The following WASHC2C variants were observed in gnomAD, a reference collection of about 807,000 sequenced individuals.
WASHC2C encodes the protein Vaccinia Penetration Factor.
WASHC2C carries 73 observed loss-of-function variants against 142.2 expected under a neutral mutation model. That is an observed-to-expected ratio of 0.51 (90% CI 0.43 to 0.62). The LOEUF (loss-of-function observed/expected upper bound fraction) is 0.62. Among genes scored for constraint, WASHC2C ranks in the 20% least tolerant of loss-of-function variants. WASHC2C has a pLI of 0.00. For missense variants in WASHC2C, 969 were observed against 1,531.7 expected, an observed-to-expected ratio of 0.63 and a Z score of 6.13; for synonymous variants, 337 against 565.5, an observed-to-expected ratio of 0.60 and a Z score of 5.73.
At chr10:45,745,888 T>C (rs1414187120) in intron 7 of WASHC2C, among the ~76,000 whole-genome samples, 2 of 148,506 alleles carry the variant, frequency 1.3e-5, no homozygotes, top group African/African-American at 5.0e-5. Context: ...TCATCTAGCA[T>C]TAGGTATATC....
At chr10:45,762,461 G>A (rs1376877133) in intron 17 of WASHC2C, among the ~76,000 whole-genome samples, 2 of 151,894 alleles carry the variant, frequency 1.3e-5, no homozygotes, top group African/African-American at 4.8e-5. Context: ...CTCCCAAAAT[G>A]CTGGGATTAT....
intron 23 of WASHC2C, 25 bp from the exon 24 acceptor site, chr10:45,784,540 A>AG: frequency 6.2e-7 from 1 of 1,610,816 alleles, no homozygotes; most frequent in Non-Finnish European, 8.5e-7. Flanking sequence ...CTCTAATCAC[A>AG]CATGACCTTC....
At chr10:45,747,784 G>C (rs1176330694) in intron 8 of WASHC2C, among the ~76,000 whole-genome samples, 1 of 150,582 alleles carries the variant, frequency 6.6e-6, no homozygotes, top group Non-Finnish European at 1.5e-5. Context: ...GTGGAGTCAG[G>C]GTCTTCCCAT....
Position 45,787,177 on chromosome 10 carries a change from C to G in WASHC2C, c.3017C>G (p.Pro1006Arg), listed in dbSNP as rs1278899607. The change falls in exon 28 of 31, where the codon CCC becomes CGC. Residue 1006 changes from proline to arginine, a missense_variant. By Grantham distance (103) the Pro-to-Arg change is moderately radical. Coordinates refer to ENST00000623400, the MANE Select transcript of WASHC2C (RefSeq NM_001330074.2). ...SHGLESVPVL[P>R]GSGEAGVSFD... is the part of the protein sequence containing the mutation. ...GGTCTGGAAAGTGTGCCTGTCCTTC[C>G]CGGGAGTGGGGAGGCCGGTGTGAGT... 6.4e-7 allele frequency: 1 copy of G among 1,559,030 alleles called. No individual in the cohort carries two copies. The highest frequency in any genetic ancestry group is 8.7e-7 in the Non-Finnish European group (1 of 1,146,290).
chr10:45,759,598 T>C (rs1302070687), intron 17 of WASHC2C, among the ~76,000 whole-genome samples, 197 bp downstream of exon 17: 5 of 152,190 alleles, frequency 3.3e-5, no homozygotes, highest in South Asian at 4.2e-4. Flanking sequence ...GGCAGGCGGA[T>C]ACCTGAGGTC....
chr10:45,749,836 A>ATATAT (rs1554873238), intron 8 of WASHC2C, among the ~76,000 whole-genome samples: 15 of 101,770 alleles, frequency 1.5e-4, no homozygotes, highest in African/African-American at 6.5e-4. Context: ...AAAAAAAAAA[A>ATATAT]ATATATATAT....
chr10:45,790,235 G>T (rs2058319558), intron 29 of WASHC2C, 121 bp from the exon 30 acceptor site: 1 of 1,504,014 alleles, frequency 6.6e-7, no homozygotes, highest in East Asian at 2.4e-5. Flanking sequence ...GGCAGAGTGG[G>T]CAGTCTCGAG....
At chr10:45,779,941 C>G (rs1311109844) in intron 23 of WASHC2C, among the ~76,000 whole-genome samples, 3 of 150,272 alleles carry the variant, frequency 2.0e-5, no homozygotes, top group African/African-American at 7.4e-5. Context: ...GCCGAGATCG[C>G]ACCACTGCAC....
chr10:45,749,825 C>CAACA (rs1321078503), intron 8 of WASHC2C, among the ~76,000 whole-genome samples: 1 of 77,250 alleles, frequency 1.3e-5, no homozygotes, highest in Non-Finnish European at 2.3e-5. Context: ...GACTCCATCT[C>CAACA]AAAAAAAAAA....
rs1342817045 is a variant in WASHC2C at position 45,786,803 on chromosome 10, AGTT to A, written c.2874+135_2874+137del. Reference sequence around the variant, plus strand: ...CCCCCGCCTCCCCTCCCCTGCACCTAGTTGTTGTCTCCTGTGTGCTGCGTCTTT... The same window carrying A: ...CCCCCGCCTCCCCTCCCCTGCACCTAGTTGTCTCCTGTGTGCTGCGTCTTT... On this transcript the variant is annotated intron_variant, in intron 27 of 30. Coordinates refer to ENST00000623400, the MANE Select transcript of WASHC2C (RefSeq NM_001330074.2). The A allele has an allele frequency of 7.1e-6, 11 of 1,555,748 alleles. No individual in the cohort carries two copies. The African/African-American group carries it at 8.2e-5, about 12-fold the overall frequency.
intron 23 of WASHC2C, among the ~76,000 whole-genome samples, chr10:45,783,699 A>G (rs1437194326): frequency 2.6e-5 from 4 of 152,182 alleles, no homozygotes; most frequent in Admixed American, 6.5e-5. Context: ...GGCCTCTGGT[A>G]ATCCACCCGC....
intron 18 of WASHC2C, among the ~76,000 whole-genome samples, chr10:45,765,339 A>G (rs1272262168): frequency 6.6e-6 from 1 of 151,250 alleles, no homozygotes; most frequent in Non-Finnish European, 1.5e-5. Flanking sequence ...TGCCCATCGC[A>G]GGCTGTAACC....
intron 13 of WASHC2C, 67 bp from the exon 14 acceptor site, chr10:45,754,419 C>T: frequency 6.2e-7 from 1 of 1,603,926 alleles, no homozygotes; most frequent in Non-Finnish European, 8.5e-7. Context: ...GCACGTATTT[C>T]AGGAAGAAAA....
chr10:45,754,182 C>T (rs2053956549), intron 13 of WASHC2C, among the ~76,000 whole-genome samples: 1 of 152,122 alleles, frequency 6.6e-6, no homozygotes, highest in Admixed American at 6.5e-5. Context: ...GTCATGCTGT[C>T]CCTGCCTCTG....
At chr10:45,749,292 G>T (rs1464164329) in intron 8 of WASHC2C, among the ~76,000 whole-genome samples, 4 of 148,512 alleles carry the variant, frequency 2.7e-5, no homozygotes, top group Non-Finnish European at 3.0e-5. Flanking sequence ...AAAATTAGCC[G>T]GGCGTGGTGG....
intron 7 of WASHC2C, among the ~76,000 whole-genome samples, chr10:45,745,789 C>T (rs1482770499): frequency 2.0e-5 from 3 of 151,826 alleles, no homozygotes; most frequent in Non-Finnish European, 4.4e-5. Context: ...TTTTATTATA[C>T]TTTAAGTTTT....
At chr10:45,760,798 C>G (rs577555294) in intron 17 of WASHC2C, among the ~76,000 whole-genome samples, 1 of 142,638 alleles carries the variant, frequency 7.0e-6, no homozygotes, top group African/African-American at 2.6e-5. Flanking sequence ...TTTACCACAG[C>G]ACGTGTTGCC....
intron 3 of WASHC2C, among the ~76,000 whole-genome samples, chr10:45,737,614 T>A (rs1442675138): frequency 2.0e-5 from 3 of 152,186 alleles, no homozygotes; most frequent in African/African-American, 7.2e-5. Context: ...CAGTTGACAT[T>A]CTCCATAAGC....
chr10:45,727,423 C>A lies in WASHC2C; in HGVS notation c.10C>A (p.Arg4=). Residue 4 remains arginine (R), a synonymous_variant, in exon 2 of 31, where the codon CGG becomes AGG. Transcript: ENST00000623400. ...CTCGTTTTTTTCGCTGCAGATGAAC[C>A]GGACGACCCCCGACCAGGAGCTGGT... MMN[R]TTPDQELVPA... The A allele has an allele frequency of 6.2e-7, 1 of 1,611,438 alleles. No homozygotes were observed. The highest frequency in any genetic ancestry group is 8.5e-7 in the Non-Finnish European group (1 of 1,179,470).
Sources: allele counts gnomAD v4.1 joint callset (sites outside exome capture counted in the v4.1 genomes callset), GRCh38; gene constraint gnomAD v4.1.1; transcripts MANE v1.5; gene names NCBI Gene and HGNC (gene_info 2026-07-23, HGNC 2026-07-21).